The following NECTIN3 variants were observed in gnomAD, a reference collection of about 807,000 sequenced individuals.
NECTIN3 encodes the protein nectin-3.
NECTIN3 carries 8 observed loss-of-function variants against 49.4 expected under a neutral mutation model. The ratio of observed to expected loss-of-function variants is 0.16; its 90% CI spans 0.10 to 0.29. NECTIN3 has a LOEUF of 0.29. Among genes scored for constraint, NECTIN3 ranks in the 10% least tolerant of loss-of-function variants. The probability of loss-of-function intolerance (pLI) is 1.00; values close to 1 mark genes in which losing one functional copy is unlikely to be tolerated. For missense variants in NECTIN3, 581 were observed against 654.6 expected, an observed-to-expected ratio of 0.89 and a Z score of 1.23; for synonymous variants, 277 against 241.1, an observed-to-expected ratio of 1.15 and a Z score of -1.38.
intron 7 of NECTIN3, among the ~76,000 whole-genome samples, chr3:111,175,709 T>G (rs1196858014): frequency 6.6e-6 from 1 of 152,166 alleles, no homozygotes; most frequent in Admixed American, 6.5e-5. Flanking sequence ...TTTCTCACTG[T>G]GTTTTAACTA....
chr3:111,107,666 A>C (rs985993144), intron 1 of NECTIN3, among the ~76,000 whole-genome samples: 1 of 152,158 alleles, frequency 6.6e-6, no homozygotes, highest in Non-Finnish European at 1.5e-5. Context: ...TCTGCTCTCC[A>C]GTTAAACTCA....
chr3:111,138,146 T>G (rs1317624495), downstream of NECTIN3, among the ~76,000 whole-genome samples: 1 of 151,680 alleles, frequency 6.6e-6, no homozygotes, highest in East Asian at 1.9e-4. Context: ...ACTTACTACT[T>G]TTTGTGAGCT....
chr3:111,093,102 T>G (rs1439620785), intron 1 of NECTIN3, among the ~76,000 whole-genome samples: 1 of 152,218 alleles, frequency 6.6e-6, no homozygotes, highest in Non-Finnish European at 1.5e-5. Flanking sequence ...TTATTCCTAG[T>G]CTATAGAAAT....
At chr3:111,187,496 A>C (rs181981035), upstream of NECTIN3, among the ~76,000 whole-genome samples, 370 of 152,350 alleles carry the variant, frequency 2.4e-3, no homozygotes, top group African/African-American at 8.3e-3. Context: ...ACTTATGTTC[A>C]TACAAAACTT....
At chr3:111,130,267 T>C (rs1287788034) in intron 5 of NECTIN3, among the ~76,000 whole-genome samples, 1 of 151,878 alleles carries the variant, frequency 6.6e-6, no homozygotes, top group Non-Finnish European at 1.5e-5. Context: ...AGAATGTTTT[T>C]TTTTTTTTGG....
chr3:111,075,205 T>C (rs2031095579), intron 1 of NECTIN3: 1 of 152,122 alleles, frequency 6.6e-6, no homozygotes, highest in African/African-American at 2.4e-5. Flanking sequence ...TTGTGAGGTA[T>C]TTTGATTTGC....
At position 111,186,459 on chromosome 3, in the gene NECTIN3, A is replaced by G. The variant is rs184846367; in HGVS notation, c.1222-5892A>G. Among the ~76,000 whole-genome samples, 15 of 152,298 alleles carry G rather than the reference A, an allele frequency of 9.8e-5. No individual in the cohort carries two copies. In the East Asian group the frequency reaches 2.5e-3, roughly 25 times the overall value. On this transcript the variant is annotated intron_variant, in intron 7 of 8. Coordinates refer to the NECTIN3 transcript ENST00000493615. ...AGTCAACAAAAAACAAGCAATGAGGAAAGGACTCTGTATTCAATAAATGAT... is the reference window on the plus strand; with the variant it reads ...AGTCAACAAAAAACAAGCAATGAGGGAAGGACTCTGTATTCAATAAATGAT...
chr3:111,098,075 T>G (rs2107411974), intron 1 of NECTIN3, among the ~76,000 whole-genome samples: 1 of 152,292 alleles, frequency 6.6e-6, no homozygotes, highest in East Asian at 1.9e-4. Flanking sequence ...CTGAAACCTA[T>G]TGAGTTTATA....
In NECTIN3 at chr3:111,115,757, A is replaced by C. The variant is rs2033666418; in HGVS notation, c.503-2899A>C. On this transcript the variant is annotated intron_variant, in intron 2 of 5. Coordinates refer to ENST00000485303, the MANE Select transcript of NECTIN3 (RefSeq NM_015480.3). Reference sequence around the variant, plus strand: ...TAATGTCTCAGCCATGAGGCCATGAAGACTTGCAATTAATTTTGTAATTTC... The same window carrying C: ...TAATGTCTCAGCCATGAGGCCATGACGACTTGCAATTAATTTTGTAATTTC... Among the ~76,000 whole-genome samples the C allele has an allele frequency of 1.3e-5, 2 of 152,230 alleles. 1 individual carries two copies. The highest frequency in any genetic ancestry group is 4.1e-4 in the South Asian group (2 of 4,834).
chr3:111,177,555 C>T (rs1385409340), intron 7 of NECTIN3, among the ~76,000 whole-genome samples: 1 of 152,112 alleles, frequency 6.6e-6, no homozygotes, highest in East Asian at 1.9e-4. Flanking sequence ...GTGATTTTCT[C>T]TACTTGATGG....
At chr3:111,121,536 G>A (rs1159835501) in intron 3 of NECTIN3, among the ~76,000 whole-genome samples, 2 of 152,108 alleles carry the variant, frequency 1.3e-5, no homozygotes, top group East Asian at 1.9e-4. Context: ...TACATTTGAA[G>A]CCCTAGCTAA....
intron 7 of NECTIN3, among the ~76,000 whole-genome samples, chr3:111,149,258 G>A (rs142344096): frequency 6.6e-6 from 1 of 152,032 alleles, no homozygotes; most frequent in East Asian, 1.9e-4. Context: ...AATATGATTT[G>A]ATATTCAGTA....
intron 1 of NECTIN3, among the ~76,000 whole-genome samples, chr3:111,108,923 G>A (rs1212363208): frequency 6.6e-6 from 1 of 152,060 alleles, no homozygotes; most frequent in African/African-American, 2.4e-5. Context: ...AAATTTGTAG[G>A]GGACAAAACA....
intron 1 of NECTIN3, among the ~76,000 whole-genome samples, chr3:111,086,519 C>T (rs774218581): frequency 6.6e-6 from 1 of 152,278 alleles, no homozygotes; most frequent in Non-Finnish European, 1.5e-5. Context: ...AAAAGACTCT[C>T]TGCTGTGCAA....
intron 1 of NECTIN3, chr3:111,193,348 T>C: frequency 6.5e-7 from 1 of 1,534,792 alleles, no homozygotes; most frequent in Admixed American, 2.0e-5. Flanking sequence ...CCTAAGAGAG[T>C]CTACATCGAC....
At chr3:111,120,468 T>C (rs2033896917) in intron 3 of NECTIN3, among the ~76,000 whole-genome samples, 1 of 152,222 alleles carries the variant, frequency 6.6e-6, no homozygotes, top group Non-Finnish European at 1.5e-5. Flanking sequence ...TGGGATACTT[T>C]TATGCCTAAA....
At chr3:111,146,684 T>C (rs1331061455) in intron 6 of NECTIN3, among the ~76,000 whole-genome samples, 1 of 152,166 alleles carries the variant, frequency 6.6e-6, no homozygotes, top group African/African-American at 2.4e-5. Context: ...CAGATAACTT[T>C]TTGATTTTCT....
At chr3:111,131,011 A>G (rs1453691953) in intron 5 of NECTIN3, among the ~76,000 whole-genome samples, 1 of 152,120 alleles carries the variant, frequency 6.6e-6, no homozygotes, top group Non-Finnish European at 1.5e-5. Context: ...ATCCAAGTGT[A>G]GTTTCAAACT....
rs115512781 is a variant in NECTIN3 at position 111,161,778 on chromosome 3, A to G, written c.1221+14294A>G. ...ATTGGTGACTACTGTTCTGGGGGAC[A>G]AAGTTAACAGGTGATTAAACAGATC... On this transcript the variant is annotated intron_variant, in intron 7 of 8. Coordinates refer to the NECTIN3 transcript ENST00000493615. 4.5e-3 allele frequency among the ~76,000 whole-genome samples: 684 copies of G among 152,288 alleles called. 6 individuals carry two copies. The highest frequency in any genetic ancestry group is 0.016 in the African/African-American group (661 of 41,576).
Sources: gnomAD v4.1 joint callset for allele counts (sites outside exome capture counted in the v4.1 genomes callset) on GRCh38, gnomAD v4.1.1 for gene constraint, MANE v1.5 for transcripts, NCBI Gene and HGNC (gene_info 2026-07-23, HGNC 2026-07-21) for gene names.